Variants in PRR16 observed in about 807,000 individuals in gnomAD.
PRR16 encodes protein Largen.
A neutral mutation model predicts 18.2 loss-of-function variants in PRR16; 6 were observed. The observed-to-expected ratio is 0.33, with a 90% confidence interval of 0.18 to 0.65. The LOEUF (loss-of-function observed/expected upper bound fraction) is 0.65, where lower values mean the gene tolerates loss of function less well. Among genes scored for constraint, PRR16 ranks in the 30% least tolerant of loss-of-function variants. The pLI is 0.74. For missense variants in PRR16, 412 were observed against 376.6 expected (o/e 1.09, Z -0.78); for synonymous variants, 151 against 147.8 (o/e 1.02, Z -0.16).
intron 1 of PRR16, among the ~76,000 whole-genome samples, chr5:120,536,522 A>T (rs1292736378): frequency 6.6e-6 from 1 of 152,236 alleles, no homozygotes; most frequent in Non-Finnish European, 1.5e-5. Flanking sequence ...TTTAAAAGTT[A>T]AGTACACATA....
the PRR16 span, among the ~76,000 whole-genome samples, chr5:120,743,687 G>A: frequency 1.3e-5 from 2 of 151,968 alleles, no homozygotes; most frequent in African/African-American, 4.8e-5. Flanking sequence ...ACTTTTTGCT[G>A]TATTTTAGGA....
At chr5:120,681,836 ATACT>A (rs1756982370) in intron 1 of PRR16, among the ~76,000 whole-genome samples, 1 of 152,168 alleles carries the variant, frequency 6.6e-6, no homozygotes, top group Non-Finnish European at 1.5e-5. Flanking sequence ...TACTCTATAA[ATACT>A]TGGTGTTCCC....
In PRR16 at chr5:120,498,289, T is replaced by C. The variant is rs185715918; in HGVS notation, c.159+33644T>C. Among the ~76,000 whole-genome samples the C allele has an allele frequency of 5.0e-3, 741 of 149,336 alleles. 5 individuals carry two copies. Among genetic ancestry groups the C allele is most frequent in the African/African-American group, 0.017 (703 of 41,008 alleles). On this transcript the variant is annotated intron_variant, in intron 1 of 1. Transcript: ENST00000407149. ...ATTATATATATGATATATGTGTGTG[T>C]ATATATATAAAAATACCTATGTTAT...
the PRR16 span, among the ~76,000 whole-genome samples, chr5:120,758,150 C>A: frequency 6.6e-6 from 1 of 152,088 alleles, no homozygotes; most frequent in East Asian, 1.9e-4. Flanking sequence ...AGGTCAGTAA[C>A]TTATTTGGAA....
intron 1 of PRR16, among the ~76,000 whole-genome samples, chr5:120,561,904 A>G (rs1752586676): frequency 6.6e-6 from 1 of 152,162 alleles, no homozygotes; most frequent in East Asian, 1.9e-4. Flanking sequence ...GTGGAACTGT[A>G]AGCCTATTAA....
At chr5:120,657,896 A>C (rs950509489) in intron 1 of PRR16, among the ~76,000 whole-genome samples, 2 of 151,932 alleles carry the variant, frequency 1.3e-5, no homozygotes, top group African/African-American at 4.8e-5. Context: ...GATTGTCGCC[A>C]TATGGGAAGG....
intron 1 of PRR16, chr5:120,617,113 C>A: frequency 1.0e-6 from 1 of 985,244 alleles, no homozygotes; most frequent in East Asian, 1.1e-4. Context: ...TTACCTACTC[C>A]CACCTCCCCA....
chr5:120,773,355 C>T, the PRR16 span, among the ~76,000 whole-genome samples: 2 of 152,126 alleles, frequency 1.3e-5, no homozygotes, highest in South Asian at 4.1e-4. Context: ...TTGAATGTTT[C>T]TCTTGGCCAT....
At chr5:120,539,917 T>A (rs951035471) in intron 1 of PRR16, among the ~76,000 whole-genome samples, 2 of 152,180 alleles carry the variant, frequency 1.3e-5, no homozygotes, top group East Asian at 3.9e-4. Context: ...TATTGTGTTT[T>A]ATATTATAGG....
intron 1 of PRR16, among the ~76,000 whole-genome samples, chr5:120,614,128 A>G (rs985039138): frequency 6.6e-6 from 1 of 152,186 alleles, no homozygotes; most frequent in African/African-American, 2.4e-5. Context: ...TTTCTTCTGT[A>G]ATCAAACTGT....
chr5:120,565,749 G>A (rs1752717257), intron 1 of PRR16, among the ~76,000 whole-genome samples: 1 of 152,158 alleles, frequency 6.6e-6, no homozygotes, highest in African/African-American at 2.4e-5. Context: ...TGCATTATAA[G>A]CCTTAGTAAT....
intron 1 of PRR16, among the ~76,000 whole-genome samples, chr5:120,495,115 A>C (rs1251181718): frequency 4.6e-5 from 7 of 152,082 alleles, no homozygotes; most frequent in Non-Finnish European, 7.4e-5. Context: ...AATTGTGTCA[A>C]TATCTACTAT....
chr5:120,651,501 T>G (rs1183033719), intron 1 of PRR16, among the ~76,000 whole-genome samples: 1 of 152,210 alleles, frequency 6.6e-6, no homozygotes, highest in Non-Finnish European at 1.5e-5. Flanking sequence ...GAATTAATTT[T>G]CATATAAGGT....
the PRR16 span, among the ~76,000 whole-genome samples, chr5:120,746,532 A>T: frequency 3.3e-5 from 5 of 152,142 alleles, no homozygotes; most frequent in Non-Finnish European, 4.4e-5. Context: ...TCCATAATTT[A>T]TCAGTGTTTA....
At chr5:120,650,262 A>G (rs1486533910) in intron 1 of PRR16, among the ~76,000 whole-genome samples, 1 of 151,674 alleles carries the variant, frequency 6.6e-6, no homozygotes, top group Non-Finnish European at 1.5e-5. Context: ...ATGCAAAAAG[A>G]AAGAATAAGA....
At chr5:120,652,018 G>A (rs971124608) in intron 1 of PRR16, among the ~76,000 whole-genome samples, 1 of 152,004 alleles carries the variant, frequency 6.6e-6, no homozygotes. Context: ...GCAGTGGTTT[G>A]TAGTTCTCCT....
intron 1 of PRR16, among the ~76,000 whole-genome samples, chr5:120,519,140 G>T (rs556780591): frequency 6.6e-6 from 1 of 151,986 alleles, no homozygotes; most frequent in Non-Finnish European, 1.5e-5. Flanking sequence ...AGTTTGGAGG[G>T]CATGGAGAGA....
At chr5:120,769,095 T>G in the PRR16 span, among the ~76,000 whole-genome samples, 1 of 151,438 alleles carries the variant, frequency 6.6e-6, no homozygotes, top group Non-Finnish European at 1.5e-5. Context: ...CCTTTATTTT[T>G]TTTTTGAGGT....
intron 1 of PRR16, among the ~76,000 whole-genome samples, chr5:120,509,263 G>A (rs923802671): frequency 6.6e-6 from 1 of 152,006 alleles, no homozygotes; most frequent in Non-Finnish European, 1.5e-5. Flanking sequence ...TCATACATCT[G>A]TAGGCCAGAT....
Sources: gnomAD v4.1 joint callset for allele counts (sites outside exome capture counted in the v4.1 genomes callset) on GRCh38, gnomAD v4.1.1 for gene constraint, MANE v1.5 for transcripts, NCBI Gene and HGNC (gene_info 2026-07-23, HGNC 2026-07-21) for gene names.